Variants in RAMP2 observed in about 807,000 individuals in gnomAD.
RAMP2 encodes receptor activity-modifying protein 2.
A neutral mutation model predicts 18.2 loss-of-function variants in RAMP2; 11 were observed. The ratio of observed to expected loss-of-function variants is 0.60; its 90% CI spans 0.38 to 1.00. The LOEUF is 1.00. Ranked by LOEUF, RAMP2 falls within the 50% of genes least tolerant of loss-of-function variation. The pLI is 0.01. For synonymous variants in RAMP2, 86 were observed against 90.8 expected (o/e 0.95, Z 0.30); for missense variants, 191 against 226.5 (o/e 0.84, Z 1.01).
intron 3 of RAMP2, 54 bp from the exon 4 acceptor site, chr17:42,762,543 A>G: frequency 6.2e-7 from 1 of 1,602,924 alleles, no homozygotes; most frequent in Admixed American, 1.7e-5. Context: ...AGAGTGGGGC[A>G]CTCTTCTCCC....
At chr17:42,762,498 G>A in intron 3 of RAMP2, 35 bp downstream of exon 3, 1 of 1,612,792 alleles carries the variant, frequency 6.2e-7, no homozygotes, top group Non-Finnish European at 8.5e-7. Context: ...TCAGGCCAGG[G>A]GGTGGACCTG....
At position 42,761,349 on chromosome 17, in the gene RAMP2, C is replaced by A; in HGVS notation, c.88C>A (p.Leu30Met). The change falls in exon 1 of 4, where the codon CTG (leucine) becomes ATG (methionine). Residue 30 changes from leucine (L) to methionine (M), a missense_variant. Transcript: ENST00000253796. This position sits in a 1 kb window ranked among gnomAD's most constrained non-coding sequence, Gnocchi z 4.2. Reference sequence around the variant, plus strand: ...GCCGGCAGCGCTCCGCCTCCTCCTCCTGCTGGGCGGTGAGCGCGGCGCCCC... The same window carrying A: ...GCCGGCAGCGCTCCGCCTCCTCCTCATGCTGGGCGGTGAGCGCGGCGCCCC... ...GRPAALRLLL[L>M]LGAVLNPHEA... 1.5e-6 allele frequency: 2 copies of A among 1,342,972 alleles called. No homozygotes were observed. The highest frequency in any genetic ancestry group is 1.9e-6 in the Non-Finnish European group (2 of 1,055,548). 83.2% of individuals were successfully genotyped at this position (1,342,972 alleles called of 1,614,324 possible).
chr17:42,762,535 A>G, intron 3 of RAMP2, 62 bp from the exon 4 acceptor site: 1 of 1,605,214 alleles, frequency 6.2e-7, no homozygotes, highest in East Asian at 2.2e-5. Context: ...CCTGAGTGAG[A>G]GTGGGGCACT....
rs1324615104 is a variant in RAMP2, at chr17:42,761,608, CG to C, written c.98-224del. 6.6e-6 allele frequency among the ~76,000 whole-genome samples: 1 copy of C among 152,160 alleles called. No homozygotes were observed. Among genetic ancestry groups the C allele is most frequent in the Non-Finnish European group, 1.5e-5 (1 of 68,004 alleles). The stretch of plus-strand genomic sequence containing the variant: ...GCCCCTCGAAGAGGGCTTAGGAGGA[CG>C]GAAGCTGGCCAGAGATGAGGGGGCT... On this transcript the variant is annotated intron_variant, in intron 1 of 3. Coordinates refer to ENST00000253796, the MANE Select transcript of RAMP2 (RefSeq NM_005854.3). The surrounding 1 kb of genome is among the most constrained non-coding windows in gnomAD (Gnocchi z 4.2).
At chr17:42,762,557 G>A (rs2054372080) in intron 3 of RAMP2, 40 bp from the exon 4 acceptor site, 1 of 1,603,390 alleles carries the variant, frequency 6.2e-7, no homozygotes, top group Admixed American at 1.7e-5. Context: ...TTCTCCCTGG[G>A]TCCACCCCCT....
At position 42,761,684 on chromosome 17, in the gene RAMP2, C is replaced by T. The variant is rs1236307738; in HGVS notation, c.98-150C>T. 3 of 698,248 alleles carry T rather than the reference C, an allele frequency of 4.3e-6. No homozygotes were observed. Among genetic ancestry groups the T allele is most frequent in the South Asian group, 1.8e-5 (1 of 55,956 alleles). 43.3% of individuals were successfully genotyped at this position (698,248 alleles called of 1,614,324 possible). On this transcript the variant is annotated intron_variant, in intron 1 of 3. Coordinates refer to ENST00000253796, the MANE Select transcript of RAMP2 (RefSeq NM_005854.3). This position sits in a 1 kb window ranked among gnomAD's most constrained non-coding sequence, Gnocchi z 4.2. ...GAGCTGGTGCCAGCCCCTCCCTCCC[C>T]GGCACTGAGGCGTCCGTGGGGGCTA...
chr17:42,762,375 G>C lies in RAMP2; in HGVS notation c.184G>C (p.Glu62Gln). 1 of 1,614,142 alleles carries C rather than the reference G, an allele frequency of 6.2e-7. No individual in the cohort carries two copies. The highest frequency in any genetic ancestry group is 8.5e-7 in the Non-Finnish European group (1 of 1,179,994). ...GSEGGTVKNY[E>Q]TAVQFCWNHY... Reference sequence around the variant, plus strand: ...TACAGGGGGGACGGTGAAGAACTATGAGACAGCTGTCCAATTTTGCTGGAA... The same window carrying C: ...TACAGGGGGGACGGTGAAGAACTATCAGACAGCTGTCCAATTTTGCTGGAA... Residue 62 changes from glutamate to glutamine, a missense_variant, in exon 3 of 4, where the codon GAG (glutamate) becomes CAG (glutamine). Coordinates refer to ENST00000253796, the MANE Select transcript of RAMP2 (RefSeq NM_005854.3).
chr17:42,761,485 C>A lies in RAMP2; in HGVS notation c.97+127C>A. The A allele has an allele frequency of 1.3e-6, 1 of 784,616 alleles. No homozygotes were observed. Among genetic ancestry groups the A allele is most frequent in the South Asian group, 2.5e-5 (1 of 40,804 alleles). 48.6% of individuals were successfully genotyped at this position (784,616 alleles called of 1,614,324 possible). A position where few individuals can be genotyped will look rare whatever the true frequency, so the allele number is the denominator to read the frequency against. On this transcript the variant is annotated intron_variant, in intron 1 of 3. Transcript: ENST00000253796. This position sits in a 1 kb window ranked among gnomAD's most constrained non-coding sequence, Gnocchi z 4.2. ...TGGGGTGCGGGTTAGGACCGACGTA[C>A]CTAGCAGCACTGGCCCTCGGACGGT...
At position 42,761,982 on chromosome 17, in the gene RAMP2, T is replaced by C. The variant is rs2054368252; in HGVS notation, c.163+83T>C. ...GGGAGGGTTCCTTTCCCACGAGGCC[T>C]GCCCAACCCCAGCTGATGCCCCACT... On this transcript the variant is annotated intron_variant, in intron 2 of 3. Coordinates refer to ENST00000253796, the MANE Select transcript of RAMP2 (RefSeq NM_005854.3). The surrounding 1 kb of genome is among the most constrained non-coding windows in gnomAD (Gnocchi z 4.2). The C allele has an allele frequency of 5.3e-6, 7 of 1,317,480 alleles. No homozygotes were observed. Among genetic ancestry groups the C allele is most frequent in the Non-Finnish European group, 7.5e-6 (7 of 935,226 alleles). The allele number at this position is 1,317,480 out of a possible 1,614,324, so 81.6% of individuals were successfully genotyped here.
At chr17:42,762,525 C>T (rs2054371929) in intron 3 of RAMP2, 62 bp downstream of exon 3, 1 of 1,607,280 alleles carries the variant, frequency 6.2e-7, no homozygotes, top group Non-Finnish European at 8.5e-7. Context: ...GCAGGTAGAC[C>T]CTGAGTGAGA....
chr17:42,761,338 G>A lies in RAMP2; in HGVS notation c.77G>A (p.Arg26His). ...CGAGTCGGGCGGCCGGCAGCGCTCC[G>A]CCTCCTCCTCCTGCTGGGCGGTGAG... ...RTRVGRPAAL[R>H]LLLLLGAVLN... Residue 26 changes from arginine to histidine, a missense_variant, in exon 1 of 4, where the codon CGC becomes CAC. Arg to His is a conservative substitution (Grantham distance 29). Transcript: ENST00000253796. The surrounding 1 kb of genome is among the most constrained non-coding windows in gnomAD (Gnocchi z 4.2). The A allele has an allele frequency of 2.9e-6, 4 of 1,359,960 alleles. No individual in the cohort carries two copies. The highest frequency in any genetic ancestry group is 1.8e-5 in the South Asian group (1 of 55,202). 84.2% of individuals were successfully genotyped at this position (1,359,960 alleles called of 1,614,324 possible).
In RAMP2 at chr17:42,763,025, A is replaced by C; in HGVS notation, c.*173A>C. 1.3e-6 allele frequency: 1 copy of C among 758,140 alleles called. No individual in the cohort carries two copies. The highest frequency in any genetic ancestry group is 2.0e-6 in the Non-Finnish European group (1 of 505,660). The allele number at this position is 758,140 out of a possible 1,614,324, so 47.0% of individuals were successfully genotyped here. ...CAAGTTCTGTAATCTTCAAAATAAA[A>C]CTTTTTTTTTGTACAATGTCCTTCT... is the stretch of plus-strand genomic sequence containing the variant. On this transcript the variant is annotated 3_prime_UTR_variant, in exon 4 of 4. Transcript: ENST00000253796.
Position 42,761,333 on chromosome 17 carries a change from G to A in RAMP2, c.72G>A (p.Ala24=), listed in dbSNP as rs1418092565. The A allele has an allele frequency of 1.5e-6, 2 of 1,365,740 alleles. No homozygotes were observed. The highest frequency in any genetic ancestry group is 1.8e-5 in the South Asian group (1 of 56,350). The allele number at this position is 1,365,740 out of a possible 1,614,324, so 84.6% of individuals were successfully genotyped here. Reference sequence around the variant, plus strand: ...GGACCCGAGTCGGGCGGCCGGCAGCGCTCCGCCTCCTCCTCCTGCTGGGCG... The same window carrying A: ...GGACCCGAGTCGGGCGGCCGGCAGCACTCCGCCTCCTCCTCCTGCTGGGCG... ...LPRTRVGRPA[A]LRLLLLLGAV... The change falls in exon 1 of 4, where the codon GCG becomes GCA. Residue 24 remains alanine, a synonymous_variant. Transcript: ENST00000253796. This position sits in a 1 kb window ranked among gnomAD's most constrained non-coding sequence, Gnocchi z 4.2.
intron 2 of RAMP2, among the ~76,000 whole-genome samples, 167 bp downstream of exon 2, chr17:42,762,066 A>C (rs1373799604): frequency 6.6e-6 from 1 of 152,026 alleles, no homozygotes; most frequent in Non-Finnish European, 1.5e-5. Flanking sequence ...TCCTCCTACA[A>C]AGCCCCTGCA....
intron 3 of RAMP2, 62 bp downstream of exon 3, chr17:42,762,525 C>G: frequency 6.2e-7 from 1 of 1,607,280 alleles, no homozygotes; most frequent in Non-Finnish European, 8.5e-7. Context: ...GCAGGTAGAC[C>G]CTGAGTGAGA....
chr17:42,761,872 CCCA>C lies in RAMP2; in HGVS notation c.141_143del (p.Thr48del). 1 of 1,592,074 alleles carries C rather than the reference CCCA, an allele frequency of 6.3e-7. No homozygotes were observed. ...CCACGAGGCCCTGGCTCAGCCTCTT[CCCA>C]CCACAGGCACACCAGGGTCAGAAGG... is the stretch of plus-strand genomic sequence containing the variant. On this transcript the variant is annotated inframe_deletion, in exon 2 of 4. Coordinates refer to ENST00000253796, the MANE Select transcript of RAMP2 (RefSeq NM_005854.3). The surrounding 1 kb of genome is among the most constrained non-coding windows in gnomAD (Gnocchi z 4.2).
Position 42,761,756 on chromosome 17 carries a change from C to T in RAMP2, c.98-78C>T. 7.9e-7 allele frequency: 1 copy of T among 1,261,652 alleles called. No homozygotes were observed. The highest frequency in any genetic ancestry group is 1.2e-6 in the Non-Finnish European group (1 of 868,780). The allele number at this position is 1,261,652 out of a possible 1,614,324, so 78.2% of individuals were successfully genotyped here. On this transcript the variant is annotated intron_variant, in intron 1 of 3. Coordinates refer to ENST00000253796, the MANE Select transcript of RAMP2 (RefSeq NM_005854.3). The surrounding 1 kb of genome is among the most constrained non-coding windows in gnomAD (Gnocchi z 4.2). ...AAGGTAGCCTATTTTCGGAGGGTCT[C>T]AGTCCCCCAACCCCCCTCGCAGGCT... is the stretch of plus-strand genomic sequence containing the variant.
In RAMP2 at chr17:42,761,394, C is replaced by A; in HGVS notation, c.97+36C>A. The stretch of plus-strand genomic sequence containing the variant: ...CGCCCCGAGGCCCGGGCGGGAGGCG[C>A]GAGAGGCCCCGGAGGGGAGAGGGGA... On this transcript the variant is annotated intron_variant, in intron 1 of 3. Transcript: ENST00000253796. The surrounding 1 kb of genome is among the most constrained non-coding windows in gnomAD (Gnocchi z 4.2). 1 of 1,273,900 alleles carries A rather than the reference C, an allele frequency of 7.8e-7. No homozygotes were observed. Among genetic ancestry groups the A allele is most frequent in the Non-Finnish European group, 1.0e-6 (1 of 999,796 alleles). 78.9% of individuals were successfully genotyped at this position (1,273,900 alleles called of 1,614,324 possible).
Position 42,762,323 on chromosome 17 carries a change from G to A in RAMP2, c.164-32G>A, listed in dbSNP as rs754753365. 50 of 1,613,792 alleles carry A rather than the reference G, an allele frequency of 3.1e-5. No homozygotes were observed. In the Admixed American group the frequency reaches 4.5e-4, roughly 15 times the overall value. On this transcript the variant is annotated intron_variant, in intron 2 of 3. Transcript: ENST00000253796. ...GGAGGGTTTGTAGGGAGGGGTAGGG[G>A]TGTGGTCATTGTGTAGCATCTGTAC...
Sources: gnomAD v4.1 joint callset for allele counts (sites outside exome capture counted in the v4.1 genomes callset) on GRCh38, gnomAD v4.1.1 for gene constraint, Gnocchi (gnomAD v3.1) non-coding constraint, MANE v1.5 for transcripts, NCBI Gene and HGNC (gene_info 2026-07-23, HGNC 2026-07-21) for gene names.